The following DNAJC11 variants were observed in gnomAD, a reference collection of about 807,000 sequenced individuals.
DNAJC11 encodes the protein DnaJ heat shock protein family (Hsp40) member C11.
Under a neutral mutation model 78.6 loss-of-function variants are expected in DNAJC11, and 15 were observed. That is an observed-to-expected ratio of 0.19 (90% CI 0.13 to 0.29). The LOEUF is 0.29. Ranked by LOEUF, DNAJC11 falls within the 10% of genes least tolerant of loss-of-function variation. The probability of loss-of-function intolerance (pLI) is 1.00; values close to 1 mark genes in which losing one functional copy is unlikely to be tolerated. For synonymous variants in DNAJC11, 292 were observed against 272.1 expected, an observed-to-expected ratio of 1.07 and a Z score of -0.72; for missense variants, 547 against 709.6, an observed-to-expected ratio of 0.77 and a Z score of 2.60.
chr1:6,637,166 C>A, intron 14 of DNAJC11, 32 bp downstream of exon 14: 1 of 1,613,170 alleles, frequency 6.2e-7, no homozygotes, highest in Non-Finnish European at 8.5e-7. Context: ...AATCTGTGAG[C>A]ACATAGCATG....
rs189609729 is a variant in DNAJC11, at chr1:6,697,030, T to C, written c.72+4699A>G. On this transcript the variant is annotated intron_variant, in intron 1 of 15. Coordinates refer to ENST00000377577, the MANE Select transcript of DNAJC11 (RefSeq NM_018198.4). ...TTAACTCTGATTTATAGTTAAGGAA[T>C]CCTTTCTCCAAATAAATTTTGGAAA... 3.9e-5 allele frequency among the ~76,000 whole-genome samples: 6 copies of C among 152,368 alleles called. No homozygotes were observed. The East Asian group carries it at 1.2e-3, about 29-fold the overall frequency.
At chr1:6,691,961 G>A (rs969245406) in intron 1 of DNAJC11, among the ~76,000 whole-genome samples, 10 of 152,072 alleles carry the variant, frequency 6.6e-5, no homozygotes, top group African/African-American at 1.9e-4. Flanking sequence ...AAACAAAGGT[G>A]TAAGTAAGTA....
intron 10 of DNAJC11, among the ~76,000 whole-genome samples, chr1:6,644,220 C>T (rs534690576): frequency 2.6e-5 from 4 of 152,180 alleles, no homozygotes; most frequent in South Asian, 2.1e-4. Context: ...CTGCAACCTC[C>T]GCCTTCGGGT....
At chr1:6,640,130 G>A in intron 10 of DNAJC11, 73 bp from the exon 11 acceptor site, 1 of 1,471,418 alleles carries the variant, frequency 6.8e-7, no homozygotes, top group Non-Finnish European at 9.0e-7. Flanking sequence ...GCAATGGGGT[G>A]TCAGGCACAG....
chr1:6,654,269 G>A (rs1158253339), intron 4 of DNAJC11: 1 of 411,650 alleles, frequency 2.4e-6, no homozygotes. Context: ...CATTTGACCA[G>A]GAGAGCCGGT....
chr1:6,678,330 TG>T, intron 3 of DNAJC11, 63 bp downstream of exon 3: 1 of 1,404,954 alleles, frequency 7.1e-7, no homozygotes, highest in East Asian at 2.3e-5. Flanking sequence ...TGCAGGGTTT[TG>T]GGGAGATGTT....
At chr1:6,667,875 G>A in intron 3 of DNAJC11, 65 bp from the exon 4 acceptor site, 2 of 1,472,708 alleles carry the variant, frequency 1.4e-6, no homozygotes, top group Non-Finnish European at 1.9e-6. Flanking sequence ...CGTACACAAA[G>A]AGCTGCAGCC....
intron 3 of DNAJC11, among the ~76,000 whole-genome samples, chr1:6,674,635 G>C (rs1642431757): frequency 6.6e-6 from 1 of 152,202 alleles, no homozygotes; most frequent in East Asian, 1.9e-4. Flanking sequence ...AGGCTGAGGT[G>C]GGAGGATGGC....
At chr1:6,698,927 C>G (rs576972262) in intron 1 of DNAJC11, among the ~76,000 whole-genome samples, 3 of 148,278 alleles carry the variant, frequency 2.0e-5, no homozygotes, top group African/African-American at 7.4e-5. Flanking sequence ...TGGGTGAAGT[C>G]TAATTATATA....
intron 4 of DNAJC11, among the ~76,000 whole-genome samples, chr1:6,659,826 G>A (rs1460355295): frequency 6.6e-6 from 1 of 151,932 alleles, no homozygotes; most frequent in African/African-American, 2.4e-5. Flanking sequence ...GGGAGGCTGA[G>A]GCGGGCAGAT....
intron 11 of DNAJC11, among the ~76,000 whole-genome samples, chr1:6,639,195 T>C (rs1468509902): frequency 1.4e-5 from 2 of 145,016 alleles, no homozygotes; most frequent in Non-Finnish European, 1.5e-5. Flanking sequence ...GTTGTGTTTC[T>C]GTGACTTTCA....
chr1:6,685,187 G>A (rs1412336529), intron 1 of DNAJC11, among the ~76,000 whole-genome samples: 1 of 152,204 alleles, frequency 6.6e-6, no homozygotes, highest in Non-Finnish European at 1.5e-5. Flanking sequence ...AAACATGTCT[G>A]GATAATATGT....
In DNAJC11 at chr1:6,678,362, T is replaced by C. The variant is rs537183702; in HGVS notation, c.276+32A>G. The C allele has an allele frequency of 5.6e-6, 9 of 1,598,834 alleles. No individual in the cohort carries two copies. In the East Asian group the frequency reaches 1.8e-4, roughly 32 times the overall value. On this transcript the variant is annotated intron_variant, in intron 3 of 15. Coordinates refer to ENST00000377577, the MANE Select transcript of DNAJC11 (RefSeq NM_018198.4). The stretch of plus-strand genomic sequence containing the variant: ...ATGTTCTGTAACTGTTTAATGACTT[T>C]TCTGGAACACCAGACGCACAGTTTC...
intron 3 of DNAJC11, among the ~76,000 whole-genome samples, chr1:6,677,164 AAAAAAAAAAAC>A (rs1245312967): frequency 6.6e-6 from 1 of 151,258 alleles, no homozygotes; most frequent in Non-Finnish European, 1.5e-5. Context: ...GTCTCAAAAA[AAAAAAAAAAAC>A]AAAAAAAACG....
intron 3 of DNAJC11, among the ~76,000 whole-genome samples, chr1:6,671,153 C>T (rs916041620): frequency 1.5e-4 from 23 of 152,282 alleles, no homozygotes; most frequent in Middle Eastern, 3.4e-3. Flanking sequence ...AGTTCCTCTA[C>T]ATAGCTCAGA....
chr1:6,679,961 T>A (rs1642528549), intron 2 of DNAJC11, among the ~76,000 whole-genome samples: 1 of 152,226 alleles, frequency 6.6e-6, no homozygotes, highest in Non-Finnish European at 1.5e-5. Context: ...ACTGTACACA[T>A]TTATCACACA....
chr1:6,634,454 AGGC>A lies in DNAJC11; in HGVS notation c.*1218_*1220del. ...ACTCAGATACCAGTGCTGGGGAGGG[AGGC>A]CTGACTTCAGCAACAGCTGTGGGTG... On this transcript the variant is annotated 3_prime_UTR_variant, in exon 16 of 16. Coordinates refer to ENST00000377577, the MANE Select transcript of DNAJC11 (RefSeq NM_018198.4). 3 of 1,294,230 alleles carry A rather than the reference AGGC, an allele frequency of 2.3e-6. No homozygotes were observed. The highest frequency in any genetic ancestry group is 2.6e-5 in the South Asian group (2 of 77,754). 80.2% of individuals were successfully genotyped at this position (1,294,230 alleles called of 1,614,324 possible).
chr1:6,664,020 ATG>A lies in DNAJC11; in HGVS notation c.378+3687_378+3688del, dbSNP rs773729639. On this transcript the variant is annotated intron_variant, in intron 4 of 15. Transcript: ENST00000377577. ...CCCATGGATGTGCCTGTGTTCCTGC[ATG>A]TGTGTGTGTGTGTGCATGCACGTGT... Among the ~76,000 whole-genome samples, 275 of 151,092 alleles carry A rather than the reference ATG, an allele frequency of 1.8e-3. 1 individual carries two copies. The highest frequency in any genetic ancestry group is 6.3e-3 in the African/African-American group (260 of 41,338).
intron 7 of DNAJC11, among the ~76,000 whole-genome samples, chr1:6,650,085 G>C (rs1317768601): frequency 1.4e-5 from 2 of 141,466 alleles, no homozygotes; most frequent in East Asian, 5.1e-4. Flanking sequence ...GGAGTTAAGA[G>C]ACCAGCCTGG....
Sources: allele counts gnomAD v4.1 joint callset (sites outside exome capture counted in the v4.1 genomes callset), GRCh38; gene constraint gnomAD v4.1.1; transcripts MANE v1.5; gene names NCBI Gene and HGNC (gene_info 2026-07-23, HGNC 2026-07-21).